GABRR3: variants seen among roughly 807,000 people sequenced by gnomAD.
GABRR3 encodes the protein gamma-aminobutyric acid type A receptor subunit rho3.
Under a neutral mutation model 43.2 loss-of-function variants are expected in GABRR3, and 29 were observed. The observed-to-expected ratio is 0.67, with a 90% CI of 0.50 to 0.92. GABRR3 has a LOEUF of 0.92. Ranked by LOEUF, GABRR3 falls within the 40% of genes least tolerant of loss-of-function variation. The pLI, the probability that GABRR3 is intolerant of heterozygous loss-of-function variation, is 0.00. For synonymous variants in GABRR3, 206 were observed against 195.9 expected (o/e 1.05, Z -0.43); for missense variants, 576 against 572.3 (o/e 1.01, Z -0.07).
intron 3 of GABRR3, among the ~76,000 whole-genome samples, chr3:98,024,040 C>T (rs1283038329): frequency 6.6e-6 from 1 of 152,144 alleles, no homozygotes; most frequent in Non-Finnish European, 1.5e-5. Context: ...GTCTGAGTCA[C>T]AAATGTGATG....
At chr3:98,030,760 T>C (rs753876459) in intron 2 of GABRR3, among the ~76,000 whole-genome samples, 1 of 152,186 alleles carries the variant, frequency 6.6e-6, no homozygotes, top group Non-Finnish European at 1.5e-5. Flanking sequence ...TCAGTCAAGC[T>C]TTACTGTGAA....
chr3:98,031,593 A>T (rs1707087133), intron 2 of GABRR3, among the ~76,000 whole-genome samples: 1 of 152,012 alleles, frequency 6.6e-6, no homozygotes, highest in Non-Finnish European at 1.5e-5. Flanking sequence ...AAAAAAATAT[A>T]AAAGCCAGGT....
At chr3:98,033,007 C>T (rs1186889782) in intron 2 of GABRR3, among the ~76,000 whole-genome samples, 3 of 152,138 alleles carry the variant, frequency 2.0e-5, no homozygotes, top group Non-Finnish European at 2.9e-5. Context: ...TGACTCTATA[C>T]AGTAATTACT....
intron 3 of GABRR3, among the ~76,000 whole-genome samples, chr3:98,021,288 G>A (rs56808878): frequency 2.6e-5 from 4 of 152,054 alleles, no homozygotes; most frequent in African/African-American, 9.7e-5. Flanking sequence ...AAGCCAAAAC[G>A]CAGAATCAGA....
intron 8 of GABRR3, among the ~76,000 whole-genome samples, chr3:97,994,599 T>C (rs1706512575): frequency 1.3e-5 from 2 of 152,222 alleles, no homozygotes; most frequent in African/African-American, 2.4e-5. Context: ...AGAGTGAACA[T>C]GAAGCATGGA....
chr3:97,986,059 T>A (rs1344495069), downstream of GABRR3, among the ~76,000 whole-genome samples: 1 of 151,986 alleles, frequency 6.6e-6, no homozygotes, highest in Non-Finnish European at 1.5e-5. Flanking sequence ...AGAGACGGGG[T>A]TTCACCATGT....
intron 7 of GABRR3, among the ~76,000 whole-genome samples, chr3:98,004,147 A>C (rs183326187): frequency 2.3e-3 from 343 of 152,284 alleles, no homozygotes; most frequent in Non-Finnish European, 3.2e-3. Context: ...AGAGACAGTC[A>C]CCTTCAATGG....
At position 97,992,852 on chromosome 3, in the gene GABRR3, C is replaced by A. The variant is rs769842801; in HGVS notation, c.1104G>T (p.Lys368Asn). ...TCTGATAGTCAGAGCAAGGCTGTACCTTTCCTGTCTTCTTGAATTGTTTCC... is the reference window on the plus strand; with the variant it reads ...TCTGATAGTCAGAGCAAGGCTGTACATTTCCTGTCTTCTTGAATTGTTTCC... Residue 368 changes from lysine to asparagine, a missense_variant and splice_region_variant, in exon 9 of 10, where the codon AAG becomes AAT. Lys to Asn is a moderately conservative substitution (Grantham distance 94). Coordinates refer to ENST00000621172, the Ensembl canonical transcript of GABRR3. The A allele has an allele frequency of 4.3e-5, 69 of 1,603,434 alleles. No homozygotes were observed. The highest frequency in any genetic ancestry group is 5.0e-5 in the Non-Finnish European group (59 of 1,174,502).
At chr3:98,013,451 A>T (rs746718408) in intron 4 of GABRR3, among the ~76,000 whole-genome samples, 1 of 152,192 alleles carries the variant, frequency 6.6e-6, no homozygotes, top group Non-Finnish European at 1.5e-5. Context: ...TGGCTGTTGG[A>T]CAATTACAAT....
intron 4 of GABRR3, among the ~76,000 whole-genome samples, chr3:98,014,711 A>G (rs1051814863): frequency 6.6e-6 from 1 of 152,210 alleles, no homozygotes; most frequent in African/African-American, 2.4e-5. Context: ...ACTTTCTAGA[A>G]TTTTTATGTG....
At chr3:98,010,629 T>C (rs1024578875) in intron 5 of GABRR3, among the ~76,000 whole-genome samples, 1 of 152,200 alleles carries the variant, frequency 6.6e-6, no homozygotes, top group Non-Finnish European at 1.5e-5. Context: ...TAGGGCCAAA[T>C]ATTTCCTGGA....
chr3:98,008,429 A>C (rs1706749676), intron 6 of GABRR3, among the ~76,000 whole-genome samples: 1 of 152,182 alleles, frequency 6.6e-6, no homozygotes, highest in Non-Finnish European at 1.5e-5. Flanking sequence ...TTTTAGACAC[A>C]TTTGCAAAAA....
intron 8 of GABRR3, chr3:97,998,623 T>G (rs1706592037): frequency 6.6e-6 from 1 of 152,176 alleles, no homozygotes; most frequent in Non-Finnish European, 1.5e-5. Context: ...ATTAAAATAC[T>G]ACTCCCTTTT....
chr3:97,998,748 C>G (rs1706592985), intron 8 of GABRR3: 1 of 152,030 alleles, frequency 6.6e-6, no homozygotes, highest in South Asian at 2.1e-4. Flanking sequence ...TAAAGGTAGA[C>G]ATTAAATATT....
intron 7 of GABRR3, among the ~76,000 whole-genome samples, chr3:98,002,815 G>T (rs1706668958): frequency 6.6e-6 from 1 of 152,012 alleles, no homozygotes; most frequent in African/African-American, 2.4e-5. Context: ...AAAATCATAG[G>T]TATTGCAGAG....
At chr3:98,030,096 CAG>C (rs1707069603) in intron 2 of GABRR3, among the ~76,000 whole-genome samples, 1 of 142,638 alleles carries the variant, frequency 7.0e-6, no homozygotes, top group Non-Finnish European at 1.5e-5. Context: ...GCCTGGGTGA[CAG>C]AGTGAGACTG....
intron 8 of GABRR3, chr3:98,000,916 G>A (rs1216627730): frequency 1.3e-5 from 2 of 152,084 alleles, no homozygotes; most frequent in Non-Finnish European, 2.9e-5. Context: ...CTGCTAAGTG[G>A]GTCTGAAATG....
intron 7 of GABRR3, among the ~76,000 whole-genome samples, chr3:98,006,883 T>C (rs1706729173): frequency 6.6e-6 from 1 of 152,176 alleles, no homozygotes; most frequent in South Asian, 2.1e-4. Context: ...TTCAGAAATA[T>C]ATCTGTCATA....
chr3:98,001,940 CT>C (rs967157715), intron 7 of GABRR3, 173 bp from the exon 8 acceptor site: 1 of 182,864 alleles, frequency 5.5e-6, no homozygotes, highest in African/African-American at 2.4e-5. Flanking sequence ...ACCAGCTGAA[CT>C]GCAGTCTGCT....
Sources: allele counts gnomAD v4.1 joint callset (sites outside exome capture counted in the v4.1 genomes callset), GRCh38; gene constraint gnomAD v4.1.1; transcripts MANE v1.5; gene names NCBI Gene and HGNC (gene_info 2026-07-23, HGNC 2026-07-21).